Variants in PDLIM5 observed in about 807,000 individuals in gnomAD.
PDLIM5 encodes the protein PDZ and LIM domain protein 5.
A neutral mutation model predicts 64.2 loss-of-function variants in PDLIM5; 34 were observed. That is an observed-to-expected ratio of 0.53 (90% confidence interval 0.40 to 0.71). The LOEUF is 0.71. Among genes scored for constraint, PDLIM5 ranks in the 30% least tolerant of loss-of-function variants. The pLI is 0.00. For missense variants in PDLIM5, 683 were observed against 733.6 expected (o/e 0.93, Z 0.80); for synonymous variants, 253 against 269.1 (o/e 0.94, Z 0.59).
Position 94,640,297 on chromosome 4 carries a change from C to G in PDLIM5, c.1130C>G (p.Ser377Ter), listed in dbSNP as rs1156673934. Residue 377 changes from serine (S) to a stop codon, truncating the protein, a stop_gained, in exon 9 of 13, where the codon TCA becomes TGA. Coordinates refer to ENST00000317968, the MANE Select transcript of PDLIM5 (RefSeq NM_006457.5). LOFTEE classifies it high-confidence loss of function. Reference sequence around the variant, plus strand: ...CTAGTACCTTCCACTGGAAGAATCTCAAACAGCGCTACTTACTCAGGATCA... The same window carrying G: ...CTAGTACCTTCCACTGGAAGAATCTGAAACAGCGCTACTTACTCAGGATCA... The part of the protein sequence containing the change: ...NQGVPSTGRI[S>*]NSATYSGSVA... 1 of 1,607,798 alleles carries G rather than the reference C, an allele frequency of 6.2e-7. No individual in the cohort carries two copies. Among genetic ancestry groups the G allele is most frequent in the African/African-American group, 1.3e-5 (1 of 74,736 alleles).
chr4:94,639,546 C>T (rs886459346), intron 8 of PDLIM5, among the ~76,000 whole-genome samples: 3 of 152,022 alleles, frequency 2.0e-5, no homozygotes, highest in Non-Finnish European at 4.4e-5. Context: ...GGAGGAAGGA[C>T]CAAGGATGCT....
intron 2 of PDLIM5, among the ~76,000 whole-genome samples, chr4:94,505,407 C>T (rs1345221610): frequency 6.6e-6 from 1 of 152,100 alleles, no homozygotes; most frequent in African/African-American, 2.4e-5. Context: ...TACAGTTGTG[C>T]GCCACCATGA....
intron 7 of PDLIM5, chr4:94,608,228 T>G: frequency 7.7e-7 from 1 of 1,303,170 alleles, no homozygotes; most frequent in African/African-American, 1.5e-5. Flanking sequence ...GGTAGTGAAT[T>G]TAAATATACT....
In PDLIM5 at chr4:94,665,767, C is replaced by G. The variant is rs953426896; in HGVS notation, c.*1700C>G. ...AAATTGAGACTTTTTGTGGTTTTCT[C>G]TCAATAATAAGTGAACCAATTTCAA... On this transcript the variant is annotated 3_prime_UTR_variant, in exon 13 of 13. Transcript: ENST00000317968. The G allele has an allele frequency of 4.0e-6, 5 of 1,247,432 alleles. No individual in the cohort carries two copies. In the Admixed American group the frequency reaches 1.2e-4, roughly 30 times the overall value. 77.3% of individuals were successfully genotyped at this position (1,247,432 alleles called of 1,614,324 possible). A position where few individuals can be genotyped will look rare whatever the true frequency, so the allele number is the denominator to read the frequency against.
rs1175585290 is a variant in PDLIM5, at chr4:94,655,971, ATGTC to A, written c.1464+1335_1464+1338del. On this transcript the variant is annotated intron_variant, in intron 10 of 12. Transcript: ENST00000317968. ...TTCATGGTGAATTTTTTGGATCTAA[ATGTC>A]TGTTTCTTCCCATTGTCCTTCAGTA... 2.6e-5 allele frequency among the ~76,000 whole-genome samples: 4 copies of A among 152,338 alleles called. No individual in the cohort carries two copies. In the Middle Eastern group the frequency reaches 0.01, roughly 391 times the overall value.
At chr4:94,487,381 G>A (rs911201442) in intron 2 of PDLIM5, among the ~76,000 whole-genome samples, 2 of 152,192 alleles carry the variant, frequency 1.3e-5, no homozygotes, top group African/African-American at 4.8e-5. Flanking sequence ...AATGTAATTT[G>A]AGTGTAAGAT....
chr4:94,461,748 C>T (rs990770343), intron 2 of PDLIM5, among the ~76,000 whole-genome samples: 33 of 152,242 alleles, frequency 2.2e-4, no homozygotes, highest in African/African-American at 7.5e-4. Context: ...AGTAACTGGA[C>T]TCCCAACTGG....
At chr4:94,599,341 A>G (rs1257748342) in intron 7 of PDLIM5, among the ~76,000 whole-genome samples, 3 of 152,066 alleles carry the variant, frequency 2.0e-5, no homozygotes, top group African/African-American at 2.4e-5. Flanking sequence ...AGGGTAATGG[A>G]GAGTGGAAAA....
At chr4:94,647,237 A>G (rs1741486184) in intron 9 of PDLIM5, among the ~76,000 whole-genome samples, 1 of 152,220 alleles carries the variant, frequency 6.6e-6, no homozygotes, top group South Asian at 2.1e-4. Flanking sequence ...TGATCTAACT[A>G]TAAGTTGTCT....
rs558819100 is a variant in PDLIM5, at chr4:94,528,021, T to G, written c.248+4146T>G. ...ATGGGATTCTATCCAGACTAATCCC[T>G]CTGCTCAGAAGGTCGTGTTCTTTGT... On this transcript the variant is annotated intron_variant, in intron 3 of 12. Transcript: ENST00000317968. 9.8e-5 allele frequency among the ~76,000 whole-genome samples: 15 copies of G among 152,310 alleles called. No individual in the cohort carries two copies. In the South Asian group the frequency reaches 2.5e-3, roughly 25 times the overall value.
intron 2 of PDLIM5, among the ~76,000 whole-genome samples, chr4:94,521,415 A>G (rs1291242296): frequency 1.3e-5 from 2 of 152,090 alleles, no homozygotes; most frequent in African/African-American, 4.8e-5. Context: ...GGAAGGATGG[A>G]CAGATCACAT....
intron 2 of PDLIM5, among the ~76,000 whole-genome samples, chr4:94,502,547 G>A (rs2110085237): frequency 6.6e-6 from 1 of 152,230 alleles, no homozygotes; most frequent in East Asian, 1.9e-4. Context: ...ACAAATTGAG[G>A]ATAAAAGTAT....
At chr4:94,542,868 G>A (rs1347070870) in intron 3 of PDLIM5, among the ~76,000 whole-genome samples, 1 of 152,100 alleles carries the variant, frequency 6.6e-6, no homozygotes, top group African/African-American at 2.4e-5. Context: ...TAAAAACAAA[G>A]TTTAATGGTT....
At chr4:94,638,300 C>G (rs1239437742) in intron 8 of PDLIM5, among the ~76,000 whole-genome samples, 1 of 152,064 alleles carries the variant, frequency 6.6e-6, no homozygotes, top group Non-Finnish European at 1.5e-5. Context: ...CTTTTCTTTC[C>G]CATTTCTGTA....
rs188538669 is a variant in PDLIM5, at chr4:94,588,783, C to A, written c.920+2339C>A. Among the ~76,000 whole-genome samples, 313 of 152,216 alleles carry A rather than the reference C, an allele frequency of 2.1e-3. 1 individual carries two copies. Among genetic ancestry groups the A allele is most frequent in the African/African-American group, 7.0e-3 (290 of 41,548 alleles). On this transcript the variant is annotated intron_variant, in intron 7 of 12. Coordinates refer to ENST00000317968, the MANE Select transcript of PDLIM5 (RefSeq NM_006457.5). The stretch of plus-strand genomic sequence containing the variant: ...GTCTATTTTTATTTTTCCAGGTATT[C>A]TTTCACATTAGTGACATTATAGTCT...
At chr4:94,488,228 T>C (rs1458906079) in intron 2 of PDLIM5, among the ~76,000 whole-genome samples, 28 of 152,232 alleles carry the variant, frequency 1.8e-4, no homozygotes, top group Non-Finnish European at 7.3e-5. Flanking sequence ...TGGAAAGTAC[T>C]TTTCTTGGAT....
At chr4:94,455,792 A>G (rs1353161885) in intron 2 of PDLIM5, 2 of 1,517,600 alleles carry the variant, frequency 1.3e-6, no homozygotes, top group South Asian at 1.2e-5. Flanking sequence ...ATTGAATAAA[A>G]TGATTGTTTC....
chr4:94,640,446 A>G lies in PDLIM5; in HGVS notation c.1279A>G (p.Ile427Val). Residue 427 changes from isoleucine (I) to valine (V), a missense_variant, in exon 9 of 13, where the codon ATC becomes GTC. Transcript: ENST00000317968. Reference sequence around the variant, plus strand: ...GATGTGCGCCCATTGTAACCAGGTCATCAGGTTGGTTGTTTTTTGAAATTT... The same window carrying G: ...GATGTGCGCCCATTGTAACCAGGTCGTCAGGTTGGTTGTTTTTTGAAATTT... ...TPMCAHCNQVIRGPFLVALGK... is the reference protein window; with the variant it reads ...TPMCAHCNQVVRGPFLVALGK... The G allele has an allele frequency of 4.5e-6, 7 of 1,571,244 alleles. No homozygotes were observed. Among genetic ancestry groups the G allele is most frequent in the Non-Finnish European group, 6.0e-6 (7 of 1,159,350 alleles).
At chr4:94,644,019 A>G (rs1354739788) in intron 9 of PDLIM5, among the ~76,000 whole-genome samples, 1 of 152,216 alleles carries the variant, frequency 6.6e-6, no homozygotes, top group Non-Finnish European at 1.5e-5. Context: ...ATTGACCAAG[A>G]CTCATAAACA....
Sources: allele counts gnomAD v4.1 joint callset (sites outside exome capture counted in the v4.1 genomes callset), GRCh38; gene constraint gnomAD v4.1.1; transcripts MANE v1.5; gene names NCBI Gene and HGNC (gene_info 2026-07-23, HGNC 2026-07-21).